PPFIA2: variants seen among roughly 807,000 people sequenced by gnomAD.
The protein encoded by PPFIA2 is PPFI scaffold protein A2.
In PPFIA2, 46 loss-of-function variants were observed where a neutral mutation model predicts 175.5. The ratio of observed to expected loss-of-function variants is 0.26; its 90% CI spans 0.21 to 0.34. The LOEUF (loss-of-function observed/expected upper bound fraction) is 0.34, where lower values mean the gene tolerates loss of function less well. PPFIA2 is among the 10% of genes least tolerant of loss of function. The pLI is 1.00. For missense variants in PPFIA2, 1,179 were observed against 1,506.1 expected, an observed-to-expected ratio of 0.78 and a Z score of 3.60; for synonymous variants, 568 against 511.4, an observed-to-expected ratio of 1.11 and a Z score of -1.49.
At chr12:81,422,964 A>G (rs2046547999) in intron 7 of PPFIA2, among the ~76,000 whole-genome samples, 1 of 152,158 alleles carries the variant, frequency 6.6e-6, no homozygotes, top group South Asian at 2.1e-4. Flanking sequence ...TGCCTAAAAA[A>G]TATAAAGGAT....
chr12:81,754,977 GA>G (rs2153668081), intron 2 of PPFIA2, among the ~76,000 whole-genome samples: 1 of 152,188 alleles, frequency 6.6e-6, no homozygotes, highest in African/African-American at 2.4e-5. Flanking sequence ...AATTTGTTTA[GA>G]GCATTATACT....
intron 4 of PPFIA2, among the ~76,000 whole-genome samples, chr12:81,606,009 C>T (rs1397047341): frequency 6.6e-6 from 1 of 151,882 alleles, no homozygotes. Flanking sequence ...TCAATTGCTC[C>T]TATGTTGACG....
intron 15 of PPFIA2, among the ~76,000 whole-genome samples, chr12:81,361,997 G>GTATC (rs2030751839): frequency 8.1e-6 from 1 of 122,930 alleles, no homozygotes; most frequent in Non-Finnish European, 1.7e-5. Context: ...ATCTATCTAT[G>GTATC]TATCTATGTA....
intron 21 of PPFIA2, among the ~76,000 whole-genome samples, chr12:81,337,953 C>T (rs2140239952): frequency 6.6e-6 from 1 of 152,218 alleles, no homozygotes; most frequent in South Asian, 2.1e-4. Flanking sequence ...AGTTCCTCTA[C>T]TGAGAAAGAG....
At chr12:81,631,353 A>T (rs1333073176) in intron 4 of PPFIA2, among the ~76,000 whole-genome samples, 1 of 152,188 alleles carries the variant, frequency 6.6e-6, no homozygotes, top group Non-Finnish European at 1.5e-5. Flanking sequence ...ATGAAAAAAA[A>T]TACTGCTCAA....
At chr12:81,333,978 T>G (rs1465046430) in intron 21 of PPFIA2, among the ~76,000 whole-genome samples, 1 of 152,206 alleles carries the variant, frequency 6.6e-6, no homozygotes, top group Non-Finnish European at 1.5e-5. Context: ...GGCCCCATTT[T>G]GACATCTTGT....
intron 4 of PPFIA2, among the ~76,000 whole-genome samples, chr12:81,463,729 A>G (rs2055075478): frequency 6.6e-6 from 1 of 152,120 alleles, no homozygotes. Flanking sequence ...ATATGTTTAC[A>G]TGCATTCAGG....
chr12:81,267,809 C>A, intron 29 of PPFIA2, 103 bp downstream of exon 29: 6 of 906,708 alleles, frequency 6.6e-6, no homozygotes, highest in South Asian at 1.9e-5. Context: ...ATTGAGTTAA[C>A]TTTCATTAAC....
intron 4 of PPFIA2, among the ~76,000 whole-genome samples, chr12:81,624,467 C>CAT (rs917057839): frequency 2.8e-4 from 41 of 144,156 alleles, no homozygotes; most frequent in East Asian, 1.6e-3. Context: ...GTGACCTGGG[C>CAT]ATATATATAT....
intron 5 of PPFIA2, among the ~76,000 whole-genome samples, chr12:81,453,881 C>A (rs187507422): frequency 6.6e-6 from 1 of 152,092 alleles, no homozygotes; most frequent in Non-Finnish European, 1.5e-5. Flanking sequence ...AGCAGATTGA[C>A]TTTCCACATG....
chr12:81,692,327 C>G (rs1223306159), intron 3 of PPFIA2, among the ~76,000 whole-genome samples: 1 of 152,062 alleles, frequency 6.6e-6, no homozygotes, highest in African/African-American at 2.4e-5. Flanking sequence ...TTGATTGCAG[C>G]CTTGTGAGAG....
chr12:81,642,668 C>CATACATGTGTATGTATATATTATATACAT lies in PPFIA2; in HGVS notation c.303+34122_303+34123insATGTATATAATATATACATACACATGTAT. 1.9e-5 allele frequency among the ~76,000 whole-genome samples: 2 copies of CATACATGTGTATGTATATATTATATACAT among 107,890 alleles called. 1 individual carries two copies. The highest frequency in any genetic ancestry group is 1.0e-3 in the East Asian group (2 of 2,008). The allele number at this position is 107,890 out of a possible 152,430, so 70.8% of individuals were successfully genotyped here. A position where few individuals can be genotyped will look rare whatever the true frequency, so the allele number is the denominator to read the frequency against. ...CATACATGTATGTATCTATTATATA[C>CATACATGTGTATGTATATATTATATACAT]ATACATGTATGTATCTATTATATAC... On this transcript the variant is annotated intron_variant, in intron 4 of 32. Transcript: ENST00000549396.
chr12:81,286,624 G>A (rs1253975527), intron 24 of PPFIA2, among the ~76,000 whole-genome samples: 1 of 151,928 alleles, frequency 6.6e-6, no homozygotes, highest in African/African-American at 2.4e-5. Flanking sequence ...CTCTCAAAAC[G>A]AAGAAATTGT....
At chr12:81,726,642 T>G (rs2080115230) in intron 3 of PPFIA2, among the ~76,000 whole-genome samples, 2 of 151,004 alleles carry the variant, frequency 1.3e-5, no homozygotes, top group Admixed American at 6.6e-5. Context: ...TTACAAACAA[T>G]TCAAATCAAC....
chr12:81,305,800 G>A (rs115269279), intron 22 of PPFIA2, among the ~76,000 whole-genome samples: 2,917 of 152,160 alleles, frequency 0.019, 76 homozygotes, highest in African/African-American at 0.067. Flanking sequence ...TATCCTATTG[G>A]CAACTATATT....
chr12:81,569,862 A>G (rs535351445), intron 4 of PPFIA2, among the ~76,000 whole-genome samples: 2 of 152,262 alleles, frequency 1.3e-5, no homozygotes, highest in Non-Finnish European at 2.9e-5. Context: ...GATAGGTTAG[A>G]AATGATTATG....
At chr12:81,259,789 C>A in intron 32 of PPFIA2, 129 bp from the exon 33 acceptor site, 1 of 704,124 alleles carries the variant, frequency 1.4e-6, no homozygotes, top group Non-Finnish European at 2.3e-6. Flanking sequence ...AGAAGGAAAT[C>A]ATCTAGGATG....
intron 4 of PPFIA2, among the ~76,000 whole-genome samples, chr12:81,650,905 A>C (rs2066926416): frequency 6.6e-6 from 1 of 152,244 alleles, no homozygotes; most frequent in Admixed American, 6.5e-5. Flanking sequence ...AGGAGTCTCC[A>C]GGCAGAAATA....
intron 4 of PPFIA2, among the ~76,000 whole-genome samples, chr12:81,613,865 C>T (rs2153472675): frequency 6.6e-6 from 1 of 152,200 alleles, no homozygotes; most frequent in South Asian, 2.1e-4. Flanking sequence ...TCTCATTAGA[C>T]TTGCTGAATA....
Sources: allele counts gnomAD v4.1 joint callset (sites outside exome capture counted in the v4.1 genomes callset), GRCh38; gene constraint gnomAD v4.1.1; transcripts MANE v1.5; gene names NCBI Gene and HGNC (gene_info 2026-07-23, HGNC 2026-07-21).